The following ADGRL2 variants were observed in gnomAD, a reference collection of about 807,000 sequenced individuals.
The protein encoded by ADGRL2 is adhesion G protein-coupled receptor L2.
In ADGRL2, 44 loss-of-function variants were observed where a neutral mutation model predicts 157.4. That is an observed-to-expected ratio of 0.28 (90% confidence interval 0.22 to 0.36). The LOEUF (loss-of-function observed/expected upper bound fraction) is 0.36. Among genes scored for constraint, ADGRL2 ranks in the 10% least tolerant of loss-of-function variants. The probability of loss-of-function intolerance (pLI) is 1.00; values close to 1 mark genes in which losing one functional copy is unlikely to be tolerated. For missense variants in ADGRL2, 1,510 were observed against 1,768.9 expected, an observed-to-expected ratio of 0.85 and a Z score of 2.63; for synonymous variants, 585 against 624.7, an observed-to-expected ratio of 0.94 and a Z score of 0.95.
chr1:81,702,523 C>A (rs542333488), intron 1 of ADGRL2, among the ~76,000 whole-genome samples: 39 of 152,276 alleles, frequency 2.6e-4, no homozygotes, highest in African/African-American at 9.1e-4. Context: ...TGATGTACAA[C>A]ACAGTAATTT....
intron 1 of ADGRL2, among the ~76,000 whole-genome samples, chr1:81,404,367 C>A (rs189367558): frequency 6.6e-6 from 1 of 152,092 alleles, no homozygotes; most frequent in Non-Finnish European, 1.5e-5. Context: ...CTTTGTATAG[C>A]GTTTAGTATG....
At chr1:81,707,904 CTG>C in intron 1 of ADGRL2, among the ~76,000 whole-genome samples, 1 of 152,096 alleles carries the variant, frequency 6.6e-6, no homozygotes, top group Non-Finnish European at 1.5e-5. Context: ...TAGGTAATCT[CTG>C]TGTTATCCAA....
At chr1:81,350,556 T>C (rs983999848) in intron 1 of ADGRL2, among the ~76,000 whole-genome samples, 2 of 152,128 alleles carry the variant, frequency 1.3e-5, no homozygotes, top group Admixed American at 6.6e-5. Flanking sequence ...AGAAACCAGA[T>C]GAAAAGATTT....
intron 1 of ADGRL2, among the ~76,000 whole-genome samples, chr1:81,829,096 G>C (rs1038089483): frequency 2.0e-5 from 3 of 151,984 alleles, no homozygotes; most frequent in African/African-American, 7.2e-5. Flanking sequence ...GTTTTTAGTA[G>C]AGACGGGGTT....
In ADGRL2 at chr1:81,895,303, A is replaced by G. The variant is rs2094357933; in HGVS notation, c.74-11714A>G. Among the ~76,000 whole-genome samples, 3 of 152,302 alleles carry G rather than the reference A, an allele frequency of 2.0e-5. No individual in the cohort carries two copies. The South Asian group carries it at 6.2e-4, about 32-fold the overall frequency. ...CTTTAGAGTTTATTGTTGCCTAGTA[A>G]AAATTAATATGGAAATATAATAAAA... On this transcript the variant is annotated intron_variant, in intron 2 of 23. Coordinates refer to ENST00000686636, the MANE Select transcript of ADGRL2 (RefSeq NM_001366006.2).
At chr1:81,655,161 G>T (rs2082504049) in intron 3 of ADGRL2, among the ~76,000 whole-genome samples, 1 of 152,108 alleles carries the variant, frequency 6.6e-6, no homozygotes, top group South Asian at 2.1e-4. Context: ...ACCACTCTCG[G>T]CTAATTGTTT....
intron 2 of ADGRL2, among the ~76,000 whole-genome samples, chr1:81,775,130 G>T (rs1226832047): frequency 6.6e-6 from 1 of 152,100 alleles, no homozygotes; most frequent in East Asian, 1.9e-4. Flanking sequence ...GGAAAAGGAG[G>T]AGGTAATGTC....
chr1:81,449,713 C>T (rs1017180024), intron 2 of ADGRL2, among the ~76,000 whole-genome samples: 1 of 152,074 alleles, frequency 6.6e-6, no homozygotes, highest in Non-Finnish European at 1.5e-5. Flanking sequence ...ATGATCCTTC[C>T]ACCTTAGCCT....
chr1:81,781,155 A>G (rs924557478), intron 2 of ADGRL2, among the ~76,000 whole-genome samples: 4 of 152,078 alleles, frequency 2.6e-5, no homozygotes, highest in South Asian at 4.2e-4. Flanking sequence ...GTATTCCTAG[A>G]GTCTGGCACT....
intron 3 of ADGRL2, among the ~76,000 whole-genome samples, chr1:81,652,770 C>T (rs10399723): frequency 0.12 from 18,821 of 152,046 alleles, 1,252 homozygotes; most frequent in Middle Eastern, 0.21. Context: ...ACCCTACAAG[C>T]TTCCGGATGC....
chr1:81,987,472 A>G (rs1231110074), intron 22 of ADGRL2: 1 of 763,294 alleles, frequency 1.3e-6, no homozygotes, highest in Admixed American at 1.8e-5. Flanking sequence ...GCCTATCAAT[A>G]TATCCAAACT....
chr1:81,456,200 T>C (rs941311551), intron 2 of ADGRL2, among the ~76,000 whole-genome samples: 1 of 152,042 alleles, frequency 6.6e-6, no homozygotes, highest in Non-Finnish European at 1.5e-5. Context: ...CAAATGCTTG[T>C]ATTATACACT....
At chr1:81,887,713 C>T (rs1208731370) in intron 2 of ADGRL2, among the ~76,000 whole-genome samples, 1 of 152,108 alleles carries the variant, frequency 6.6e-6, no homozygotes, top group East Asian at 1.9e-4. Context: ...TTGTCACATG[C>T]AGATGCATTT....
intron 7 of ADGRL2, 58 bp from the exon 8 acceptor site, chr1:81,950,960 C>G: frequency 1.9e-6 from 2 of 1,066,742 alleles, no homozygotes; most frequent in Non-Finnish European, 2.9e-6. Context: ...TAGCTGATTC[C>G]CGAATGCATG....
intron 2 of ADGRL2, among the ~76,000 whole-genome samples, chr1:81,547,847 A>C (rs796844051): frequency 3.9e-5 from 6 of 152,312 alleles, no homozygotes; most frequent in African/African-American, 1.4e-4. Context: ...CAGTGCTTTA[A>C]TTTACTATCT....
At chr1:81,851,489 T>C (rs2093003891) in intron 2 of ADGRL2, among the ~76,000 whole-genome samples, 1 of 151,862 alleles carries the variant, frequency 6.6e-6, no homozygotes. Context: ...GAAAATCCTC[T>C]GTGATTTTAG....
intron 1 of ADGRL2, among the ~76,000 whole-genome samples, chr1:81,321,617 C>T (rs1570611985): frequency 6.6e-6 from 1 of 152,122 alleles, no homozygotes; most frequent in East Asian, 1.9e-4. Context: ...CTGGAGAATA[C>T]CCTGTCAATA....
At chr1:81,365,962 C>A (rs75077836) in intron 1 of ADGRL2, among the ~76,000 whole-genome samples, 3 of 152,100 alleles carry the variant, frequency 2.0e-5, no homozygotes, top group South Asian at 2.1e-4. Flanking sequence ...TAGCAGAGGG[C>A]GTGACTCCTC....
chr1:81,712,693 A>G (rs1206397073), intron 1 of ADGRL2, among the ~76,000 whole-genome samples: 1 of 151,922 alleles, frequency 6.6e-6, no homozygotes, highest in Non-Finnish European at 1.5e-5. Flanking sequence ...TATTAGGTGT[A>G]AGATAAGCCT....
Sources: allele counts gnomAD v4.1 joint callset (sites outside exome capture counted in the v4.1 genomes callset), GRCh38; gene constraint gnomAD v4.1.1; transcripts MANE v1.5; gene names NCBI Gene and HGNC (gene_info 2026-07-23, HGNC 2026-07-21).